Variants in TMEM40 observed in about 807,000 individuals in gnomAD.
The protein encoded by TMEM40 is transmembrane protein 40.
In TMEM40, 34 loss-of-function variants were observed where a neutral mutation model predicts 40.8. That is an observed-to-expected ratio of 0.83 (90% CI 0.63 to 1.11). The LOEUF (loss-of-function observed/expected upper bound fraction) is 1.11. Ranked by LOEUF, TMEM40 falls within the 50% of genes least tolerant of loss-of-function variation. The pLI is 0.00. For synonymous variants in TMEM40, 106 were observed against 107.0 expected, an observed-to-expected ratio of 0.99 and a Z score of 0.06; for missense variants, 296 against 280.2, an observed-to-expected ratio of 1.06 and a Z score of -0.40.
At chr3:12,736,036 T>G (rs542446981) in intron 10 of TMEM40, among the ~76,000 whole-genome samples, 5 of 152,324 alleles carry the variant, frequency 3.3e-5, no homozygotes, top group Admixed American at 3.3e-4. Flanking sequence ...TCTTTGGCAC[T>G]TTAAACTGTT....
chr3:12,757,858 T>A (rs1223244708), intron 1 of TMEM40, among the ~76,000 whole-genome samples: 1 of 152,142 alleles, frequency 6.6e-6, no homozygotes, highest in East Asian at 1.9e-4. Flanking sequence ...CGCATCACCA[T>A]GCCTGGCTAA....
intron 3 of TMEM40, among the ~76,000 whole-genome samples, chr3:12,747,910 CAA>C (rs747586371): frequency 1.5e-4 from 4 of 27,564 alleles, no homozygotes; most frequent in Admixed American, 3.8e-4. Flanking sequence ...GATTCTGTCT[CAA>C]AAAAAAAAAA....
chr3:12,740,640 T>C (rs2106608886), intron 5 of TMEM40, among the ~76,000 whole-genome samples: 1 of 151,302 alleles, frequency 6.6e-6, no homozygotes, highest in African/African-American at 2.4e-5. Context: ...GGTAGATCAC[T>C]TGAGTCCAGG....
intron 3 of TMEM40, among the ~76,000 whole-genome samples, chr3:12,745,808 T>G (rs2106613270): frequency 6.6e-6 from 1 of 152,272 alleles, no homozygotes; most frequent in South Asian, 2.1e-4. Context: ...ATGAAGACTA[T>G]TTTTGTATAT....
At position 12,742,454 on chromosome 3, in the gene TMEM40, C is replaced by A. The variant is rs1575733961; in HGVS notation, c.355G>T (p.Asp119Tyr). 4 of 1,613,854 alleles carry A rather than the reference C, an allele frequency of 2.5e-6. No individual in the cohort carries two copies. Among genetic ancestry groups the A allele is most frequent in the Middle Eastern group, 1.6e-4 (1 of 6,062 alleles). The part of the protein sequence containing the change: ...VLKDELQLYG[D>Y]APGEVVPSGE... ...CCAAAGCTACTGGGCAACTGATTAC[C>A]TCCATAGAGTTGAAGCTCATCCTTC... The change falls in exon 5 of 12, where the codon GAT becomes TAT. Residue 119 changes from aspartate (D) to tyrosine (Y), a missense_variant and splice_region_variant. Asp to Tyr is a radical substitution (Grantham distance 160). Transcript: ENST00000314124.
At chr3:12,741,791 A>G (rs2061384399) in intron 5 of TMEM40, among the ~76,000 whole-genome samples, 1 of 150,450 alleles carries the variant, frequency 6.6e-6, no homozygotes, top group Non-Finnish European at 1.5e-5. Context: ...AAAAGAAAGA[A>G]GGAAAGAAAG....
intron 1 of TMEM40, among the ~76,000 whole-genome samples, chr3:12,755,213 T>TCTCTC (rs1233789779): frequency 1.4e-4 from 13 of 94,312 alleles, no homozygotes; most frequent in Admixed American, 4.4e-4. Flanking sequence ...CTTTCTTTCT[T>TCTCTC]TCTCTCTCTC....
chr3:12,766,233 C>T (rs2061593524), intron 1 of TMEM40, among the ~76,000 whole-genome samples: 2 of 151,886 alleles, frequency 1.3e-5, no homozygotes, highest in South Asian at 2.1e-4. Flanking sequence ...TGTTTGTTGG[C>T]CATTTACCCA....
intron 1 of TMEM40, among the ~76,000 whole-genome samples, chr3:12,768,219 C>T (rs1465994338): frequency 3.3e-5 from 5 of 152,112 alleles, no homozygotes; most frequent in Admixed American, 2.6e-4. Flanking sequence ...GTGGTCTATG[C>T]TGGCCTCAGA....
At chr3:12,755,321 G>T (rs1462184629) in intron 1 of TMEM40, among the ~76,000 whole-genome samples, 1 of 144,424 alleles carries the variant, frequency 6.9e-6, no homozygotes, top group Non-Finnish European at 1.5e-5. Context: ...TGTCACCCAG[G>T]CTCAAGTGCA....
intron 1 of TMEM40, among the ~76,000 whole-genome samples, chr3:12,755,551 T>A (rs936057762): frequency 6.6e-6 from 1 of 152,116 alleles, no homozygotes. Context: ...AAGGGTTGGC[T>A]TAGATGTTCT....
At chr3:12,761,499 G>A (rs1484407652), upstream of TMEM40, among the ~76,000 whole-genome samples, 2 of 152,032 alleles carry the variant, frequency 1.3e-5, no homozygotes, top group South Asian at 2.1e-4. Context: ...CCAGCTACTC[G>A]GGAGGCTGAG....
upstream of TMEM40, among the ~76,000 whole-genome samples, chr3:12,760,163 T>C (rs1470820225): frequency 6.6e-6 from 1 of 152,156 alleles, no homozygotes; most frequent in South Asian, 2.1e-4. Flanking sequence ...ACTCCTCAAC[T>C]GTCACCTTGA....
upstream of TMEM40, among the ~76,000 whole-genome samples, chr3:12,764,160 C>T (rs1319469956): frequency 1.3e-5 from 2 of 152,040 alleles, no homozygotes; most frequent in East Asian, 1.9e-4. Context: ...ATAATCCACC[C>T]GCCTCAGCCT....
upstream of TMEM40, among the ~76,000 whole-genome samples, chr3:12,764,092 T>A (rs180978195): frequency 5.5e-3 from 842 of 152,002 alleles, 22 homozygotes; most frequent in Admixed American, 0.053. Context: ...TTTGTATTTT[T>A]AGTAGAGACG....
At chr3:12,760,213 C>T (rs905227151), upstream of TMEM40, among the ~76,000 whole-genome samples, 1 of 152,100 alleles carries the variant, frequency 6.6e-6, no homozygotes, top group Non-Finnish European at 1.5e-5. Context: ...CTCCCCGCCT[C>T]GCCCCTGGCT....
chr3:12,767,148 G>A (rs774632670), intron 1 of TMEM40, among the ~76,000 whole-genome samples: 3 of 152,224 alleles, frequency 2.0e-5, no homozygotes, highest in Non-Finnish European at 4.4e-5. Context: ...AGCTGGGGAG[G>A]TTAAGTAACT....
At chr3:12,752,498 A>G (rs1186739716) in intron 1 of TMEM40, among the ~76,000 whole-genome samples, 3 of 152,122 alleles carry the variant, frequency 2.0e-5, no homozygotes, top group African/African-American at 7.2e-5. Flanking sequence ...CAGAGAGGAT[A>G]AGAAACTTGC....
intron 3 of TMEM40, among the ~76,000 whole-genome samples, chr3:12,744,791 G>A (rs1024859703): frequency 3.3e-5 from 5 of 152,076 alleles, no homozygotes; most frequent in South Asian, 2.1e-4. Context: ...GTCAGTCATG[G>A]GTCAATTTAA....
Sources: gnomAD v4.1 joint callset for allele counts (sites outside exome capture counted in the v4.1 genomes callset) on GRCh38, gnomAD v4.1.1 for gene constraint, MANE v1.5 for transcripts, NCBI Gene and HGNC (gene_info 2026-07-23, HGNC 2026-07-21) for gene names.